Variants in DAD1 observed in about 807,000 individuals in gnomAD.
DAD1 encodes defender against cell death 1.
DAD1 carries 4 observed loss-of-function variants against 9.0 expected under a neutral mutation model. The ratio of observed to expected loss-of-function variants is 0.44; its 90% CI spans 0.22 to 1.01. The LOEUF (loss-of-function observed/expected upper bound fraction) is 1.01. Ranked by LOEUF, DAD1 falls within the 50% of genes least tolerant of loss-of-function variation. The pLI is 0.24. For synonymous variants in DAD1, 60 were observed against 62.5 expected, an observed-to-expected ratio of 0.96 and a Z score of 0.19; for missense variants, 119 against 137.3, an observed-to-expected ratio of 0.87 and a Z score of 0.67.
intron 1 of DAD1, among the ~76,000 whole-genome samples, chr14:22,578,859 GA>G (rs1035012824): frequency 3.9e-5 from 6 of 151,918 alleles, no homozygotes; most frequent in African/African-American, 7.3e-5. Context: ...CTTTCTCAAA[GA>G]AAAAAATATA....
chr14:22,571,412 T>G (rs916602962), intron 2 of DAD1, among the ~76,000 whole-genome samples: 1 of 151,926 alleles, frequency 6.6e-6, no homozygotes, highest in African/African-American at 2.4e-5. Context: ...CCACTGAGCT[T>G]CTTTCTGTCA....
chr14:22,588,179 C>T (rs2037167035), intron 1 of DAD1, among the ~76,000 whole-genome samples: 2 of 152,204 alleles, frequency 1.3e-5, no homozygotes, highest in African/African-American at 2.4e-5. Context: ...GATGATCACA[C>T]TGAAAAGAAA....
At chr14:22,583,005 C>CA (rs60692589) in intron 1 of DAD1, among the ~76,000 whole-genome samples, 41,130 of 91,426 alleles carry the variant, frequency 0.45, 7,898 homozygotes, top group South Asian at 0.49. Context: ...GACTATGTCT[C>CA]AAAAAAAAAA....
At chr14:22,568,852 C>G (rs2037018907) in intron 2 of DAD1, among the ~76,000 whole-genome samples, 1 of 152,164 alleles carries the variant, frequency 6.6e-6, no homozygotes, top group Admixed American at 6.5e-5. Context: ...CACACGCCAC[C>G]ACGCCCCTCT....
At chr14:22,574,159 C>T (rs2037061673) in intron 2 of DAD1, among the ~76,000 whole-genome samples, 3 of 152,220 alleles carry the variant, frequency 2.0e-5, no homozygotes, top group Admixed American at 6.5e-5. Flanking sequence ...GGAAGGAGTA[C>T]GGGGCCAAGA....
At chr14:22,569,078 G>T (rs1451527673) in intron 2 of DAD1, among the ~76,000 whole-genome samples, 1 of 151,754 alleles carries the variant, frequency 6.6e-6, no homozygotes, top group African/African-American at 2.4e-5. Flanking sequence ...TTTTTCTTTC[G>T]TACCACTTTC....
At chr14:22,584,680 C>T (rs150213678) in intron 1 of DAD1, among the ~76,000 whole-genome samples, 5 of 152,276 alleles carry the variant, frequency 3.3e-5, no homozygotes, top group Non-Finnish European at 4.4e-5. Context: ...TGACAAGTAG[C>T]TCAATACTGT....
chr14:22,584,364 G>C (rs900441606), intron 1 of DAD1, among the ~76,000 whole-genome samples: 1 of 151,944 alleles, frequency 6.6e-6, no homozygotes, highest in African/African-American at 2.4e-5. Context: ...ACACATACAA[G>C]GTGAAAAAGG....
intron 2 of DAD1, among the ~76,000 whole-genome samples, chr14:22,566,336 A>G (rs562618551): frequency 1.3e-3 from 187 of 142,192 alleles, no homozygotes; most frequent in African/African-American, 4.3e-3. Flanking sequence ...ATAACATTAC[A>G]GCTTTTTTTT....
At chr14:22,579,767 AAAG>A (rs1566373218) in intron 1 of DAD1, among the ~76,000 whole-genome samples, 1 of 152,208 alleles carries the variant, frequency 6.6e-6, no homozygotes, top group Non-Finnish European at 1.5e-5. Flanking sequence ...CAATTATTCA[AAAG>A]AATAAGGTAA....
Position 22,573,667 on chromosome 14 carries a change from A to G in DAD1, c.*44+1392T>C, listed in dbSNP as rs866415551. On this transcript the variant is annotated intron_variant, in intron 2 of 2. Transcript: ENST00000250498. ...GGAGTCTGCAGTGAGCCGAGATCGCACCACTGCACTCCAGCCTGGGTAACA... is the reference window on the plus strand; with the variant it reads ...GGAGTCTGCAGTGAGCCGAGATCGCGCCACTGCACTCCAGCCTGGGTAACA... Among the ~76,000 whole-genome samples the G allele has an allele frequency of 8.1e-4, 112 of 137,992 alleles. 1 individual carries two copies. Among genetic ancestry groups the G allele is most frequent in the African/African-American group, 3.0e-3 (102 of 34,516 alleles). 90.5% of individuals were successfully genotyped at this position (137,992 alleles called of 152,430 possible). A position where few individuals can be genotyped will look rare whatever the true frequency, so the allele number is the denominator to read the frequency against.
intron 1 of DAD1, among the ~76,000 whole-genome samples, chr14:22,583,121 CAGACATCAAGTGA>C (rs1327986592): frequency 5.3e-5 from 8 of 151,686 alleles, no homozygotes; most frequent in East Asian, 1.9e-4. Flanking sequence ...AGGTACATAT[CAGACATCAAGTGA>C]AGACATCAAG....
intron 1 of DAD1, among the ~76,000 whole-genome samples, chr14:22,586,000 A>T (rs575788529): frequency 6.6e-6 from 1 of 151,988 alleles, no homozygotes; most frequent in Non-Finnish European, 1.5e-5. Context: ...AGGTCAGGAG[A>T]TCAAGACCAT....
At chr14:22,572,429 G>A (rs767451963) in intron 2 of DAD1, among the ~76,000 whole-genome samples, 1 of 152,044 alleles carries the variant, frequency 6.6e-6, no homozygotes, top group Non-Finnish European at 1.5e-5. Flanking sequence ...TTCAAATGAA[G>A]GATCTCTATG....
chr14:22,572,033 G>A (rs745356119), intron 2 of DAD1, among the ~76,000 whole-genome samples: 3 of 152,058 alleles, frequency 2.0e-5, no homozygotes, highest in Non-Finnish European at 4.4e-5. Flanking sequence ...AGAACAAGAA[G>A]TACTTAAAGC....
chr14:22,572,959 G>C (rs1355848679), intron 2 of DAD1, among the ~76,000 whole-genome samples: 1 of 152,168 alleles, frequency 6.6e-6, no homozygotes, highest in South Asian at 2.1e-4. Context: ...TTATCCACTG[G>C]TAACAGTTCA....
intron 1 of DAD1, among the ~76,000 whole-genome samples, chr14:22,588,698 G>A (rs956622877): frequency 6.6e-6 from 1 of 152,196 alleles, no homozygotes; most frequent in African/African-American, 2.4e-5. Flanking sequence ...AAGTGAAGTG[G>A]ATCACCAAGT....
chr14:22,589,198 G>C lies in DAD1; in HGVS notation c.-41C>G, dbSNP rs964733557. 5.0e-6 allele frequency: 8 copies of C among 1,604,228 alleles called. No individual in the cohort carries two copies. In the Admixed American group the frequency reaches 6.7e-5, roughly 13 times the overall value. On this transcript the variant is annotated 5_prime_UTR_variant, in exon 1 of 3. Coordinates refer to ENST00000250498, the MANE Select transcript of DAD1 (RefSeq NM_001344.4). ...ACTCCGGTCCGCGCCCCAAACTCTTGGAGGACCCGTCGACCACACCGGATG... is the reference window on the plus strand; with the variant it reads ...ACTCCGGTCCGCGCCCCAAACTCTTCGAGGACCCGTCGACCACACCGGATG...
intron 1 of DAD1, among the ~76,000 whole-genome samples, chr14:22,577,217 CG>C (rs1273997136): frequency 6.6e-6 from 1 of 152,032 alleles, no homozygotes; most frequent in Non-Finnish European, 1.5e-5. Flanking sequence ...GCGGATCACC[CG>C]AGGTCAGGAG....
Sources: gnomAD v4.1 joint callset for allele counts (sites outside exome capture counted in the v4.1 genomes callset) on GRCh38, gnomAD v4.1.1 for gene constraint, MANE v1.5 for transcripts, NCBI Gene and HGNC (gene_info 2026-07-23, HGNC 2026-07-21) for gene names.